The following DPP6 variants were observed in gnomAD, a reference collection of about 807,000 sequenced individuals.
DPP6 encodes dipeptidyl peptidase like 6.
DPP6 carries 69 observed loss-of-function variants against 122.6 expected under a neutral mutation model. The observed-to-expected ratio is 0.56, with a 90% CI of 0.46 to 0.69. The LOEUF (loss-of-function observed/expected upper bound fraction) is 0.69, where lower values mean the gene tolerates loss of function less well. DPP6 is among the 30% of genes least tolerant of loss of function. The probability of loss-of-function intolerance (pLI) is 0.00; values close to 1 mark genes in which losing one functional copy is unlikely to be tolerated. For missense variants in DPP6, 928 were observed against 1,116.9 expected (o/e 0.83, Z 2.41); for synonymous variants, 418 against 433.1 (o/e 0.97, Z 0.43).
At chr7:154,080,214 G>T (rs1003516603) in intron 1 of DPP6, among the ~76,000 whole-genome samples, 9 of 152,230 alleles carry the variant, frequency 5.9e-5, no homozygotes, top group Admixed American at 2.6e-4. Context: ...CTCATTTACT[G>T]CCAGTGCATC....
chr7:154,018,919 C>G (rs1412531099), intron 1 of DPP6, among the ~76,000 whole-genome samples: 1 of 152,116 alleles, frequency 6.6e-6, no homozygotes, highest in Non-Finnish European at 1.5e-5. Flanking sequence ...TCAAATATCT[C>G]CTTCCCCCAT....
intron 1 of DPP6, among the ~76,000 whole-genome samples, chr7:153,892,350 G>A (rs758244477): frequency 6.6e-6 from 1 of 151,740 alleles, no homozygotes; most frequent in Non-Finnish European, 1.5e-5. Flanking sequence ...GTCTCACTCT[G>A]TCTCCCAGGC....
chr7:154,129,273 A>G (rs1808184257), intron 1 of DPP6, among the ~76,000 whole-genome samples: 2 of 152,142 alleles, frequency 1.3e-5, no homozygotes, highest in Non-Finnish European at 2.9e-5. Context: ...CAAGAGGCTT[A>G]TCTAGCTAGC....
chr7:154,765,760 G>T (rs898983795), intron 8 of DPP6, among the ~76,000 whole-genome samples: 9 of 152,190 alleles, frequency 5.9e-5, no homozygotes, highest in Non-Finnish European at 1.0e-4. Context: ...GGACAGGGAA[G>T]GTGAAGAAAA....
chr7:154,892,556 T>C lies in DPP6; in HGVS notation c.*76T>C, dbSNP rs537618579. On this transcript the variant is annotated 3_prime_UTR_variant, in exon 26 of 26. Coordinates refer to ENST00000377770, the MANE Select transcript of DPP6 (RefSeq NM_130797.4). ...CCGAGGGATTTCCCTGCCCTCCCTC[T>C]TCCCTCGGAGGGGCGGGGCGGGGCG... is the stretch of plus-strand genomic sequence containing the variant. 1.9e-6 allele frequency: 3 copies of C among 1,579,190 alleles called. No individual in the cohort carries two copies. The highest frequency in any genetic ancestry group is 2.7e-5 in the African/African-American group (2 of 74,358).
chr7:154,810,080 T>C (rs1798955589), intron 16 of DPP6, among the ~76,000 whole-genome samples: 1 of 152,238 alleles, frequency 6.6e-6, no homozygotes, highest in Non-Finnish European at 1.5e-5. Flanking sequence ...GGTCTCACAC[T>C]CCTGGTCTCA....
chr7:154,722,338 G>A (rs536619339), intron 7 of DPP6, among the ~76,000 whole-genome samples: 9 of 152,336 alleles, frequency 5.9e-5, no homozygotes, highest in South Asian at 2.1e-4. Context: ...AGACACCATC[G>A]TGTAGTCTGG....
At chr7:154,204,646 A>G (rs1799340502) in intron 1 of DPP6, among the ~76,000 whole-genome samples, 1 of 152,056 alleles carries the variant, frequency 6.6e-6, no homozygotes, top group South Asian at 2.1e-4. Context: ...GGCTGCCGAC[A>G]CCCTTGCGGC....
intron 1 of DPP6, among the ~76,000 whole-genome samples, chr7:154,060,732 C>CTA (rs1563151183): frequency 1.4e-5 from 2 of 145,834 alleles, no homozygotes; most frequent in Non-Finnish European, 3.1e-5. Context: ...GAGGCACCCC[C>CTA]CGCGAGGCAG....
At chr7:153,883,097 C>T (rs546551873), upstream of DPP6, among the ~76,000 whole-genome samples, 3 of 151,912 alleles carry the variant, frequency 2.0e-5, no homozygotes, top group South Asian at 4.2e-4. Flanking sequence ...TTCGCATCCC[C>T]GTTTGCGAAA....
chr7:154,220,634 C>T (rs1401383075), intron 1 of DPP6, among the ~76,000 whole-genome samples: 2 of 152,196 alleles, frequency 1.3e-5, no homozygotes, highest in African/African-American at 2.4e-5. Context: ...CCAGATGCCA[C>T]ATCTCGTAAG....
chr7:154,352,677 G>A (rs1184461522), intron 1 of DPP6, among the ~76,000 whole-genome samples: 1 of 151,858 alleles, frequency 6.6e-6, no homozygotes, highest in Non-Finnish European at 1.5e-5. Flanking sequence ...GCCTATTGGG[G>A]GGTGTGGGGT....
At chr7:153,864,672 T>TACACACACAC in the DPP6 span, among the ~76,000 whole-genome samples, 20 of 135,274 alleles carry the variant, frequency 1.5e-4, no homozygotes, top group Middle Eastern at 4.0e-3. Context: ...ATAATAATAA[T>TACACACACAC]ACACACACAC....
At chr7:153,927,574 G>T (rs1228927725) in intron 1 of DPP6, among the ~76,000 whole-genome samples, 1 of 152,174 alleles carries the variant, frequency 6.6e-6, no homozygotes, top group Non-Finnish European at 1.5e-5. Flanking sequence ...AGAAGATATG[G>T]CCAACTAAAT....
chr7:154,723,904 G>A (rs1478475883), intron 7 of DPP6, among the ~76,000 whole-genome samples: 1 of 152,160 alleles, frequency 6.6e-6, no homozygotes, highest in East Asian at 1.9e-4. Context: ...AGTTTGTGAG[G>A]TACCCATAAG....
chr7:154,041,534 C>G (rs1799765173), intron 1 of DPP6, among the ~76,000 whole-genome samples: 1 of 152,194 alleles, frequency 6.6e-6, no homozygotes, highest in Non-Finnish European at 1.5e-5. Flanking sequence ...GCTTAGCGAC[C>G]TATCCTGGTG....
chr7:153,975,903 A>G (rs927637512), intron 1 of DPP6, among the ~76,000 whole-genome samples: 1 of 152,256 alleles, frequency 6.6e-6, no homozygotes, highest in Non-Finnish European at 1.5e-5. Context: ...TTCCATGTGT[A>G]GGATGGGGAT....
At chr7:154,277,843 T>G (rs1045850071) in intron 1 of DPP6, among the ~76,000 whole-genome samples, 1 of 152,212 alleles carries the variant, frequency 6.6e-6, no homozygotes, top group Non-Finnish European at 1.5e-5. Flanking sequence ...ATCACCTTTG[T>G]GTAGTTTCTT....
chr7:154,256,434 C>T (rs1021093989), intron 1 of DPP6, among the ~76,000 whole-genome samples: 11 of 152,300 alleles, frequency 7.2e-5, no homozygotes, highest in East Asian at 1.9e-4. Flanking sequence ...TCACGGAAAA[C>T]GATCAGTCTG....
Sources: gnomAD v4.1 joint callset for allele counts (sites outside exome capture counted in the v4.1 genomes callset) on GRCh38, gnomAD v4.1.1 for gene constraint, MANE v1.5 for transcripts, NCBI Gene and HGNC (gene_info 2026-07-23, HGNC 2026-07-21) for gene names.